The following IARS2 variants were observed in gnomAD, a reference collection of about 807,000 sequenced individuals.
IARS2 encodes the protein isoleucine--tRNA ligase, mitochondrial.
A neutral mutation model predicts 126.3 loss-of-function variants in IARS2; 56 were observed. The ratio of observed to expected loss-of-function variants is 0.44; its 90% CI spans 0.36 to 0.55. The LOEUF (loss-of-function observed/expected upper bound fraction) is 0.55. IARS2 is among the 20% of genes least tolerant of loss of function. The pLI, the probability that IARS2 is intolerant of heterozygous loss-of-function variation, is 0.00. For synonymous variants in IARS2, 407 were observed against 441.1 expected, an observed-to-expected ratio of 0.92 and a Z score of 0.97; for missense variants, 1,127 against 1,245.9, an observed-to-expected ratio of 0.90 and a Z score of 1.44.
intron 12 of IARS2, chr1:220,117,880 T>C: frequency 1.9e-6 from 1 of 528,834 alleles, no homozygotes; most frequent in Non-Finnish European, 3.9e-6. Context: ...TACAGAATAT[T>C]GGCCTAAAGA....
Position 220,145,650 on chromosome 1 carries a change from G to GA in IARS2, c.2895dup (p.Gly966ArgfsTer3). ...TAAAGGGAAATTCCTCATCAACTTA[G>GA]AAGGTAAGAAGGAGATGAAAGTAAC... On this transcript the variant is annotated frameshift_variant, in exon 22 of 23. Transcript: ENST00000366922. LOFTEE classifies it low-confidence loss of function (END_TRUNC). 1 of 1,608,650 alleles carries GA rather than the reference G, an allele frequency of 6.2e-7. No homozygotes were observed. Among genetic ancestry groups the GA allele is most frequent in the Non-Finnish European group, 8.5e-7 (1 of 1,177,002 alleles).
chr1:220,143,931 T>TGTAATACA (rs1657536463), intron 21 of IARS2: 1 of 1,121,140 alleles, frequency 8.9e-7, no homozygotes, highest in African/African-American at 1.6e-5. Flanking sequence ...ACGGGGCATT[T>TGTAATACA]TATTTGTAAA....
chr1:220,098,249 CA>C (rs914939431), intron 2 of IARS2, among the ~76,000 whole-genome samples: 1 of 152,198 alleles, frequency 6.6e-6, no homozygotes, highest in African/African-American at 2.4e-5. Context: ...AAGCCCTTAG[CA>C]AAGAGCATGG....
intron 2 of IARS2, among the ~76,000 whole-genome samples, chr1:220,096,498 CA>C (rs1558117747): frequency 6.6e-6 from 1 of 151,594 alleles, no homozygotes; most frequent in Admixed American, 6.6e-5. Context: ...TAGCAGTGGA[CA>C]AAAAAAAGGT....
intron 12 of IARS2, chr1:220,117,841 C>T (rs1472043503): frequency 1.7e-5 from 9 of 522,040 alleles, no homozygotes; most frequent in East Asian, 1.1e-4. Context: ...TGGTGTTAGT[C>T]GATTTCTGAT....
chr1:220,132,434 T>C (rs1036098383), intron 14 of IARS2, among the ~76,000 whole-genome samples: 1 of 152,102 alleles, frequency 6.6e-6, no homozygotes, highest in African/African-American at 2.4e-5. Context: ...TTCCTCCAGG[T>C]TTTCCTATGT....
At chr1:220,098,419 G>A (rs1293708960) in intron 2 of IARS2, among the ~76,000 whole-genome samples, 1 of 151,964 alleles carries the variant, frequency 6.6e-6, no homozygotes, top group Non-Finnish European at 1.5e-5. Flanking sequence ...ATCTTACCAG[G>A]CTCTCTTGAC....
Position 220,105,908 on chromosome 1 carries a change from G to A in IARS2, c.1084G>A (p.Gly362Ser). The A allele has an allele frequency of 6.2e-7, 1 of 1,613,170 alleles. No homozygotes were observed. Among genetic ancestry groups the A allele is most frequent in the East Asian group, 2.2e-5 (1 of 44,808 alleles). Reference sequence around the variant, plus strand: ...CCCCACAGGTGTAGATTTGGAAAATGGTACTTGCAGTCATCCATTAATTCC... The same window carrying A: ...CCCCACAGGTGTAGATTTGGAAAATAGTACTTGCAGTCATCCATTAATTCC... ...STLSGVDLEN[G>S]TCSHPLIPDK... Residue 362 changes from glycine to serine, a missense_variant, in exon 9 of 23, where the codon GGT becomes AGT. By Grantham distance (56) the Gly-to-Ser change is moderately conservative (BLOSUM62 0). Transcript: ENST00000366922.
At chr1:220,099,935 A>G (rs1192056748) in intron 2 of IARS2, among the ~76,000 whole-genome samples, 1 of 152,170 alleles carries the variant, frequency 6.6e-6, no homozygotes, top group African/African-American at 2.4e-5. Context: ...TTTGATAGGC[A>G]TGGAAAGGAG....
chr1:220,112,297 G>A (rs1656820980), intron 11 of IARS2, among the ~76,000 whole-genome samples: 1 of 114,748 alleles, frequency 8.7e-6, no homozygotes, highest in Non-Finnish European at 1.8e-5. Flanking sequence ...ACCGCGCCCG[G>A]CTAATTTTTT....
At chr1:220,131,345 TTTAA>T (rs1002720276) in intron 14 of IARS2, among the ~76,000 whole-genome samples, 7 of 151,996 alleles carry the variant, frequency 4.6e-5, no homozygotes, top group Non-Finnish European at 8.8e-5. Flanking sequence ...CTCGGTTAAT[TTTAA>T]TTAATTAATT....
chr1:220,141,734 G>T (rs1272746829), intron 19 of IARS2, 69 bp from the exon 20 acceptor site: 4 of 1,487,988 alleles, frequency 2.7e-6, no homozygotes, highest in Non-Finnish European at 2.8e-6. Context: ...TCAACCTGAG[G>T]CAGGTCCCAT....
In IARS2 at chr1:220,141,829, C is replaced by A. The variant is rs750326380; in HGVS notation, c.2441C>A (p.Pro814His). The A allele has an allele frequency of 6.8e-6, 11 of 1,614,036 alleles. No individual in the cohort carries two copies. Among genetic ancestry groups the A allele is most frequent in the Middle Eastern group, 1.6e-4 (1 of 6,062 alleles). Residue 814 changes from proline to histidine, a missense_variant, in exon 20 of 23, where the codon CCC (proline) becomes CAC (histidine). By Grantham distance (77) the Pro-to-His change is moderately conservative (BLOSUM62 -2). Coordinates refer to ENST00000366922, the MANE Select transcript of IARS2 (RefSeq NM_018060.4). Reference protein sequence around the residue: ...DRLYCEKENDPKRRSCQTALV... With the variant: ...DRLYCEKENDHKRRSCQTALV... ...CTCTATTGTGAAAAGGAAAATGACC[C>A]CAAACGACGCTCTTGTCAGACTGCA...
At chr1:220,103,827 TA>T (rs1293869404) in intron 8 of IARS2, among the ~76,000 whole-genome samples, 1 of 152,214 alleles carries the variant, frequency 6.6e-6, no homozygotes, top group Non-Finnish European at 1.5e-5. Context: ...TATGCAAAAT[TA>T]ATTTTTAAAA....
intron 12 of IARS2, among the ~76,000 whole-genome samples, chr1:220,124,492 C>G (rs2102831369): frequency 6.6e-6 from 1 of 152,260 alleles, no homozygotes; most frequent in African/African-American, 2.4e-5. Flanking sequence ...TGCTGTATCT[C>G]TAGTGCCTGT....
At chr1:220,111,598 A>ATATATATGTATGTG (rs374024744) in intron 11 of IARS2, among the ~76,000 whole-genome samples, 6 of 134,838 alleles carry the variant, frequency 4.4e-5, no homozygotes, top group African/African-American at 1.6e-4. Flanking sequence ...ATATATATAT[A>ATATATATGTATGTG]TGTGTGTGTG....
intron 14 of IARS2, among the ~76,000 whole-genome samples, chr1:220,132,312 C>G (rs1442907788): frequency 1.3e-5 from 2 of 152,064 alleles, no homozygotes; most frequent in African/African-American, 4.8e-5. Context: ...TGGTCCTAGA[C>G]TTTTCTTTGT....
intron 14 of IARS2, 147 bp from the exon 15 acceptor site, chr1:220,134,255 C>G: frequency 3.6e-6 from 2 of 560,520 alleles, no homozygotes; most frequent in East Asian, 6.1e-5. Flanking sequence ...TGGTCACTTT[C>G]TTGGTTAAGG....
At chr1:220,132,712 G>C (rs931889813) in intron 14 of IARS2, among the ~76,000 whole-genome samples, 1 of 151,750 alleles carries the variant, frequency 6.6e-6, no homozygotes, top group South Asian at 2.1e-4. Flanking sequence ...TTTTAGTAGA[G>C]ATGGGGTTTC....
Sources: gnomAD v4.1 joint callset for allele counts (sites outside exome capture counted in the v4.1 genomes callset) on GRCh38, gnomAD v4.1.1 for gene constraint, MANE v1.5 for transcripts, NCBI Gene and HGNC (gene_info 2026-07-23, HGNC 2026-07-21) for gene names.